DSC3: variants seen among roughly 807,000 people sequenced by gnomAD.
DSC3 encodes desmocollin-3.
Under a neutral mutation model 89.5 loss-of-function variants are expected in DSC3, and 97 were observed. That is an observed-to-expected ratio of 1.08 (90% CI 0.92 to 1.28). The LOEUF (loss-of-function observed/expected upper bound fraction) is 1.28. DSC3 is among the 50% of genes most tolerant of loss of function. The pLI, the probability that DSC3 is intolerant of heterozygous loss-of-function variation, is 0.00. For missense variants in DSC3, 1,199 were observed against 1,085.3 expected (o/e 1.10, Z -1.47); for synonymous variants, 436 against 384.1 (o/e 1.14, Z -1.58).
chr18:31,002,781 A>G (rs977728072), intron 13 of DSC3, among the ~76,000 whole-genome samples: 1 of 152,072 alleles, frequency 6.6e-6, no homozygotes, highest in Non-Finnish European at 1.5e-5. Context: ...ATAATGTTCT[A>G]TTGGAACACA....
At position 31,008,385 on chromosome 18, in the gene DSC3, C is replaced by G; in HGVS notation, c.1404G>C (p.Gly468=). ...VTVHVRDLDE[G]PECTPAAQYV... is the part of the protein sequence containing the mutation. ...ATTGGGCTGCAGGAGTGCATTCAGGCCCCTCATCCAGATCCCTCACATGAA... is the reference window on the plus strand; with the variant it reads ...ATTGGGCTGCAGGAGTGCATTCAGGGCCCTCATCCAGATCCCTCACATGAA... Residue 468 remains glycine, a synonymous_variant, in exon 10 of 16, where the codon GGG becomes GGC. Coordinates refer to ENST00000360428, the MANE Select transcript of DSC3 (RefSeq NM_001941.5). The G allele has an allele frequency of 1.2e-6, 2 of 1,614,094 alleles. No individual in the cohort carries two copies. The highest frequency in any genetic ancestry group is 1.7e-6 in the Non-Finnish European group (2 of 1,180,010).
intron 9 of DSC3, among the ~76,000 whole-genome samples, chr18:31,017,003 A>C (rs2144707151): frequency 6.6e-6 from 1 of 152,322 alleles, no homozygotes; most frequent in Middle Eastern, 3.4e-3. Flanking sequence ...AGTCCAAATA[A>C]AGACTAGATT....
chr18:31,040,349 C>T (rs1324217539), intron 1 of DSC3, among the ~76,000 whole-genome samples: 1 of 151,944 alleles, frequency 6.6e-6, no homozygotes, highest in African/African-American at 2.4e-5. Flanking sequence ...TTGTAACAGG[C>T]AGAAGACAAC....
intron 7 of DSC3, among the ~76,000 whole-genome samples, chr18:31,020,290 A>T (rs1363466469): frequency 1.3e-5 from 2 of 152,140 alleles, no homozygotes; most frequent in Non-Finnish European, 2.9e-5. Flanking sequence ...GGATGTAAGG[A>T]CCTACAGTAT....
Position 31,030,978 on chromosome 18 carries a change from T to C in DSC3, c.349A>G (p.Lys117Glu), listed in dbSNP as rs1286455870. ...KEVTVLLEHQ[K>E]KVSKTRHTRE... ...ATTTAATGTACTTTAAATACCTTCT[T>C]CTGATGTTCTAGCAGCACAGTAACC... Residue 117 changes from lysine (K) to glutamate (E), a missense_variant, in exon 3 of 16, where the codon AAG (lysine) becomes GAG (glutamate). Transcript: ENST00000360428. 1.2e-6 allele frequency: 2 copies of C among 1,613,386 alleles called. No homozygotes were observed. Among genetic ancestry groups the C allele is most frequent in the Non-Finnish European group, 1.7e-6 (2 of 1,179,350 alleles).
At chr18:30,997,647 G>T (rs1017410614) in intron 14 of DSC3, among the ~76,000 whole-genome samples, 2 of 152,132 alleles carry the variant, frequency 1.3e-5, no homozygotes, top group Non-Finnish European at 2.9e-5. Flanking sequence ...ATAGTCTCTC[G>T]ATGGCTCCAA....
chr18:31,041,806 C>G (rs75978607), intron 1 of DSC3, among the ~76,000 whole-genome samples: 19,847 of 152,132 alleles, frequency 0.13, 1,450 homozygotes, highest in Admixed American at 0.18. Flanking sequence ...AGGCTGTGCT[C>G]CGGCCGCGCA....
At chr18:31,035,971 A>G (rs941309638) in intron 1 of DSC3, among the ~76,000 whole-genome samples, 1 of 152,018 alleles carries the variant, frequency 6.6e-6, no homozygotes, top group African/African-American at 2.4e-5. Context: ...ATCCAACAGT[A>G]TGTTTGAGAT....
intron 3 of DSC3, among the ~76,000 whole-genome samples, chr18:31,030,584 G>A (rs1311331946): frequency 6.6e-6 from 1 of 152,136 alleles, no homozygotes; most frequent in Non-Finnish European, 1.5e-5. Flanking sequence ...AGCCCTCACA[G>A]AGGAGAAATA....
At chr18:31,029,326 C>T (rs1985702086) in intron 4 of DSC3, among the ~76,000 whole-genome samples, 183 bp downstream of exon 4, 1 of 152,128 alleles carries the variant, frequency 6.6e-6, no homozygotes, top group African/African-American at 2.4e-5. Context: ...CATTCAATGG[C>T]TTTAGGGCCT....
rs567996636 is a variant in DSC3, at chr18:31,025,003, G to A, written c.631-510C>T. Among the ~76,000 whole-genome samples the A allele has an allele frequency of 3.9e-5, 6 of 152,226 alleles. 1 individual carries two copies. The highest frequency in any genetic ancestry group is 1.4e-4 in the African/African-American group (6 of 41,568). On this transcript the variant is annotated intron_variant, in intron 5 of 15. Coordinates refer to ENST00000360428, the MANE Select transcript of DSC3 (RefSeq NM_001941.5). ...AGTAAAGGCAATGTAATGTCAAATA[G>A]AATATATTTTACTGAACATGTGATT...
rs1013905219 is a variant in DSC3 at position 31,008,987 on chromosome 18, CA to C, written c.1264-463del. On this transcript the variant is annotated intron_variant, in intron 9 of 15. Coordinates refer to ENST00000360428, the MANE Select transcript of DSC3 (RefSeq NM_001941.5). Reference sequence around the variant, plus strand: ...AGTTTGATGTTGACTTTCACAAAACCAAAAGGTGCAATGATTTCATTTTCTG... The same window carrying C: ...AGTTTGATGTTGACTTTCACAAAACCAAAGGTGCAATGATTTCATTTTCTG... Among the ~76,000 whole-genome samples, 90 of 152,078 alleles carry C rather than the reference CA, an allele frequency of 5.9e-4. 1 individual carries two copies. The highest frequency in any genetic ancestry group is 2.1e-3 in the African/African-American group (89 of 41,398).
At chr18:31,006,317 G>C (rs1249054498) in intron 12 of DSC3, among the ~76,000 whole-genome samples, 1 of 101,400 alleles carries the variant, frequency 9.9e-6, no homozygotes, top group Non-Finnish European at 2.0e-5. Flanking sequence ...TTATTATTTT[G>C]AGACGGAGTC....
chr18:30,999,032 A>G (rs1984566268), intron 14 of DSC3, among the ~76,000 whole-genome samples: 1 of 152,250 alleles, frequency 6.6e-6, no homozygotes, highest in African/African-American at 2.4e-5. Context: ...GAAATGCTTT[A>G]AAATGAAAAA....
intron 1 of DSC3, among the ~76,000 whole-genome samples, chr18:31,033,943 C>A (rs1192264287): frequency 6.6e-6 from 1 of 152,168 alleles, no homozygotes; most frequent in Non-Finnish European, 1.5e-5. Context: ...CCTGCCTCAG[C>A]CTCCGGAGTA....
Position 30,994,097 on chromosome 18 carries a change from G to C in DSC3, c.*78C>G, listed in dbSNP as rs1984367937. ...GAAAAAAATCATCATATACATACAT[G>C]TTGAAATTGAACTTTACAATATTAT... On this transcript the variant is annotated 3_prime_UTR_variant, in exon 16 of 16. Coordinates refer to ENST00000360428, the MANE Select transcript of DSC3 (RefSeq NM_001941.5). The C allele has an allele frequency of 7.3e-7, 1 of 1,375,466 alleles. No homozygotes were observed. Among genetic ancestry groups the C allele is most frequent in the South Asian group, 1.2e-5 (1 of 84,092 alleles). The allele number at this position is 1,375,466 out of a possible 1,614,324, so 85.2% of individuals were successfully genotyped here.
At chr18:31,009,103 A>G (rs1311402647) in intron 9 of DSC3, among the ~76,000 whole-genome samples, 2 of 151,908 alleles carry the variant, frequency 1.3e-5, no homozygotes, top group African/African-American at 2.4e-5. Context: ...CAGGCTGGAG[A>G]GCAGTGGCGC....
chr18:31,017,659 T>A (rs1397969752), intron 9 of DSC3, among the ~76,000 whole-genome samples: 1 of 152,176 alleles, frequency 6.6e-6, no homozygotes, highest in Admixed American at 6.5e-5. Flanking sequence ...ATATTTATCT[T>A]ACAGAAAGTA....
At chr18:31,021,334 G>T (rs898065120) in intron 7 of DSC3, among the ~76,000 whole-genome samples, 5 of 151,986 alleles carry the variant, frequency 3.3e-5, no homozygotes, top group African/African-American at 1.2e-4. Context: ...AGATACAAAA[G>T]CACATTCAGA....
Sources: gnomAD v4.1 joint callset for allele counts (sites outside exome capture counted in the v4.1 genomes callset) on GRCh38, gnomAD v4.1.1 for gene constraint, MANE v1.5 for transcripts, NCBI Gene and HGNC (gene_info 2026-07-23, HGNC 2026-07-21) for gene names.